ZDHHC21: variants seen among roughly 807,000 people sequenced by gnomAD.
ZDHHC21 encodes zDHHC palmitoyltransferase 21.
Under a neutral mutation model 34.6 loss-of-function variants are expected in ZDHHC21, and 15 were observed. The ratio of observed to expected loss-of-function variants is 0.43; its 90% CI spans 0.29 to 0.67. ZDHHC21 has a LOEUF of 0.67. Among genes scored for constraint, ZDHHC21 ranks in the 30% least tolerant of loss-of-function variants. The pLI is 0.14. For synonymous variants in ZDHHC21, 142 were observed against 101.8 expected (o/e 1.40, Z -2.38); for missense variants, 344 against 327.7 (o/e 1.05, Z -0.38).
chr9:14,683,032 A>C (rs1009989068), intron 2 of ZDHHC21, among the ~76,000 whole-genome samples: 7 of 152,214 alleles, frequency 4.6e-5, no homozygotes, highest in Non-Finnish European at 7.3e-5. Context: ...ACACATTCAA[A>C]CCAGTGTGTA....
intron 3 of ZDHHC21, among the ~76,000 whole-genome samples, chr9:14,674,945 T>C (rs1415623399): frequency 6.6e-6 from 1 of 152,038 alleles, no homozygotes; most frequent in Non-Finnish European, 1.5e-5. Context: ...AAACATTCAC[T>C]GAGCTGTATA....
intron 2 of ZDHHC21, chr9:14,683,636 G>C (rs1837769738): frequency 6.6e-6 from 1 of 152,178 alleles, no homozygotes; most frequent in African/African-American, 2.4e-5. Flanking sequence ...GGAGGAGCTG[G>C]TACCATTCCT....
intron 7 of ZDHHC21, among the ~76,000 whole-genome samples, chr9:14,643,957 C>A (rs1829840262): frequency 1.3e-5 from 2 of 152,144 alleles, no homozygotes; most frequent in African/African-American, 4.8e-5. Context: ...TACTCTTTTG[C>A]AAGAACGTCT....
chr9:14,605,251 G>A, the ZDHHC21 span, among the ~76,000 whole-genome samples: 2 of 150,110 alleles, frequency 1.3e-5, no homozygotes, highest in African/African-American at 2.5e-5. Context: ...GAATCATATA[G>A]CATTTCTAAT....
intron 1 of ZDHHC21, among the ~76,000 whole-genome samples, chr9:14,692,933 C>A (rs1469351152): frequency 6.6e-6 from 1 of 151,954 alleles, no homozygotes; most frequent in Non-Finnish European, 1.5e-5. Context: ...AACATCGTCT[C>A]GACTAGAGCA....
chr9:14,633,002 T>A (rs1443171100), intron 8 of ZDHHC21, among the ~76,000 whole-genome samples: 4 of 152,142 alleles, frequency 2.6e-5, no homozygotes, highest in Non-Finnish European at 5.9e-5. Context: ...AGAAAAACAG[T>A]GGCAGTTCTT....
At chr9:14,640,741 G>A (rs1014490319) in intron 7 of ZDHHC21, among the ~76,000 whole-genome samples, 3 of 152,144 alleles carry the variant, frequency 2.0e-5, no homozygotes, top group Non-Finnish European at 4.4e-5. Flanking sequence ...GCAGAGTACT[G>A]TAGAAACATA....
intron 7 of ZDHHC21, among the ~76,000 whole-genome samples, chr9:14,643,824 T>A (rs750315005): frequency 1.3e-5 from 2 of 152,214 alleles, no homozygotes; most frequent in African/African-American, 2.4e-5. Context: ...CAAGTATCCA[T>A]ACATGCATGG....
intron 7 of ZDHHC21, among the ~76,000 whole-genome samples, 165 bp downstream of exon 7, chr9:14,658,584 G>A (rs192151225): frequency 5.2e-4 from 70 of 135,086 alleles, no homozygotes; most frequent in African/African-American, 1.8e-3. Flanking sequence ...CCATTCTCCT[G>A]CCTCAGCCTC....
intron 3 of ZDHHC21, among the ~76,000 whole-genome samples, chr9:14,678,446 G>A (rs1836809290): frequency 6.6e-6 from 1 of 151,914 alleles, no homozygotes; most frequent in Non-Finnish European, 1.5e-5. Flanking sequence ...AAATCCAATG[G>A]CTAATCATTA....
chr9:14,678,805 AC>A (rs766994794), intron 3 of ZDHHC21, among the ~76,000 whole-genome samples: 1 of 152,138 alleles, frequency 6.6e-6, no homozygotes, highest in Non-Finnish European at 1.5e-5. Flanking sequence ...AAATTCTAAT[AC>A]ACCCATAGTG....
intron 5 of ZDHHC21, among the ~76,000 whole-genome samples, chr9:14,670,704 A>T (rs1835285099): frequency 6.6e-6 from 1 of 152,156 alleles, no homozygotes; most frequent in Admixed American, 6.5e-5. Flanking sequence ...ATCTAAAATG[A>T]GAAATACCTG....
At chr9:14,594,341 G>C in the ZDHHC21 span, 4 of 152,282 alleles carry the variant, frequency 2.6e-5, no homozygotes, top group East Asian at 7.7e-4. Flanking sequence ...TAAAGCTACA[G>C]AGTGGTATTG....
At chr9:14,684,917 A>G (rs549417249) in intron 2 of ZDHHC21, among the ~76,000 whole-genome samples, 54 of 152,336 alleles carry the variant, frequency 3.5e-4, no homozygotes, top group African/African-American at 1.3e-3. Flanking sequence ...CAACCACCTG[A>G]TCTTTGACAA....
chr9:14,691,451 C>T (rs1183197039), intron 1 of ZDHHC21, among the ~76,000 whole-genome samples: 3 of 152,164 alleles, frequency 2.0e-5, no homozygotes, highest in Non-Finnish European at 4.4e-5. Flanking sequence ...CATTTTTCCA[C>T]AGGTTCTGAA....
intron 2 of ZDHHC21, among the ~76,000 whole-genome samples, chr9:14,685,070 T>G (rs1262216023): frequency 1.3e-5 from 2 of 152,176 alleles, no homozygotes; most frequent in East Asian, 3.8e-4. Flanking sequence ...GATTAAAGAC[T>G]TACATGTTAG....
chr9:14,648,189 C>T (rs776909648), intron 7 of ZDHHC21, among the ~76,000 whole-genome samples: 47 of 152,084 alleles, frequency 3.1e-4, no homozygotes, highest in Non-Finnish European at 5.4e-4. Flanking sequence ...GCTCTTCAAA[C>T]TATAATAGAC....
chr9:14,692,620 A>G (rs555112377), intron 1 of ZDHHC21, among the ~76,000 whole-genome samples: 1 of 142,782 alleles, frequency 7.0e-6, no homozygotes, highest in African/African-American at 2.4e-5. Context: ...CTCTGCAGTT[A>G]CAATCCAGCG....
chr9:14,628,790 T>C, intron 8 of ZDHHC21, among the ~76,000 whole-genome samples: 1 of 152,310 alleles, frequency 6.6e-6, no homozygotes, highest in Admixed American at 6.5e-5. Context: ...AAAGTAAGCA[T>C]CATCTATATT....
Sources: gnomAD v4.1 joint callset for allele counts (sites outside exome capture counted in the v4.1 genomes callset) on GRCh38, gnomAD v4.1.1 for gene constraint, MANE v1.5 for transcripts, NCBI Gene and HGNC (gene_info 2026-07-23, HGNC 2026-07-21) for gene names.